The following ACCSL variants were observed in gnomAD, a reference collection of about 807,000 sequenced individuals.
ACCSL encodes the protein probable inactive 1-aminocyclopropane-1-carboxylate synthase-like protein 2.
In ACCSL, 55 loss-of-function variants were observed where a neutral mutation model predicts 61.7. The observed-to-expected ratio is 0.89, with a 90% CI of 0.72 to 1.12. The LOEUF is 1.12. ACCSL is among the 50% of genes most tolerant of loss of function. The pLI is 0.00. For synonymous variants in ACCSL, 258 were observed against 264.3 expected, an observed-to-expected ratio of 0.98 and a Z score of 0.23; for missense variants, 632 against 698.0, an observed-to-expected ratio of 0.91 and a Z score of 1.07.
At chr11:43,958,447 A>C in the ACCSL span, among the ~76,000 whole-genome samples, 1 of 152,130 alleles carries the variant, frequency 6.6e-6, no homozygotes, top group Non-Finnish European at 1.5e-5. Flanking sequence ...CCTACCCACC[A>C]AATTATCCTG....
At chr11:44,005,426 A>C in the ACCSL span, among the ~76,000 whole-genome samples, 2 of 151,842 alleles carry the variant, frequency 1.3e-5, no homozygotes, top group Non-Finnish European at 2.9e-5. Context: ...GGGTTCCACT[A>C]TGGGGAGGGG....
chr11:43,994,304 A>G, the ACCSL span, among the ~76,000 whole-genome samples: 3 of 152,208 alleles, frequency 2.0e-5, no homozygotes, highest in East Asian at 5.8e-4. Flanking sequence ...CCACTGGAAT[A>G]TCCAAGTTGC....
chr11:43,996,907 G>A, the ACCSL span, among the ~76,000 whole-genome samples: 2 of 151,222 alleles, frequency 1.3e-5, no homozygotes, highest in Admixed American at 6.6e-5. Context: ...CCACCTCCTG[G>A]GTTCAAACGA....
the ACCSL span, among the ~76,000 whole-genome samples, chr11:43,975,024 G>A: frequency 1.3e-5 from 2 of 152,216 alleles, no homozygotes; most frequent in African/African-American, 4.8e-5. Flanking sequence ...CAGGAGTGGG[G>A]TGTTATCATA....
the ACCSL span, among the ~76,000 whole-genome samples, chr11:43,936,005 G>A: frequency 6.6e-6 from 1 of 152,214 alleles, no homozygotes; most frequent in Non-Finnish European, 1.5e-5. Context: ...GAGGAAGCAG[G>A]ACCCCCGATG....
chr11:43,943,115 G>A, the ACCSL span: 2 of 1,498,518 alleles, frequency 1.3e-6, no homozygotes, highest in South Asian at 2.6e-5. The surrounding 1 kb of genome is among the most constrained non-coding windows in gnomAD (Gnocchi z 4.8). Flanking sequence ...GGAGGAGGGG[G>A]TGTCCCCCAT....
the ACCSL span, among the ~76,000 whole-genome samples, chr11:44,026,722 T>C: frequency 2.6e-5 from 4 of 152,144 alleles, no homozygotes; most frequent in Non-Finnish European, 4.4e-5. Context: ...ATTTAGTGAC[T>C]TATCTAGACT....
chr11:44,036,121 T>C, the ACCSL span, among the ~76,000 whole-genome samples: 2 of 152,294 alleles, frequency 1.3e-5, no homozygotes, highest in South Asian at 4.1e-4. Flanking sequence ...AGCAACCAAC[T>C]GGGTAACTGG....
intron 1 of ACCSL, 153 bp from the exon 2 acceptor site, chr11:44,049,909 G>C (rs146394955): frequency 2.1e-6 from 2 of 970,900 alleles, no homozygotes; most frequent in South Asian, 2.9e-5. Context: ...ACTATTTTGG[G>C]TTCATGGAAA....
rs370465303 is a variant in ACCSL, at chr11:44,058,700, G to A, written c.1624+1G>A. 7.5e-6 allele frequency: 12 copies of A among 1,609,506 alleles called. No homozygotes were observed. The African/African-American group carries it at 8.0e-5, about 11-fold the overall frequency. On this transcript the variant is annotated splice_donor_variant, in intron 13 of 13. Transcript: ENST00000378832. LOFTEE classifies it high-confidence loss of function. ...GATGAGCTCCCCCGGCTAAAATTGG[G>A]TGAGTGGAGCTGACCTCCCAATCCT... is the stretch of plus-strand genomic sequence containing the variant.
the ACCSL span, among the ~76,000 whole-genome samples, chr11:43,947,851 A>G: frequency 6.6e-6 from 1 of 152,118 alleles, no homozygotes; most frequent in Non-Finnish European, 1.5e-5. Context: ...GAGGAGAGAG[A>G]AGACAGGAGC....
the ACCSL span, among the ~76,000 whole-genome samples, chr11:44,011,068 T>C: frequency 3.3e-5 from 5 of 152,208 alleles, no homozygotes; most frequent in African/African-American, 1.2e-4. Flanking sequence ...GATTTCACCA[T>C]GAGCCAGAAA....
At chr11:44,050,202 C>T in intron 2 of ACCSL, 81 bp downstream of exon 2, 5 of 1,183,858 alleles carry the variant, frequency 4.2e-6, no homozygotes, top group South Asian at 3.7e-5. Context: ...ATGGTAGATA[C>T]AGGGGTGAGA....
the ACCSL span, among the ~76,000 whole-genome samples, chr11:43,972,389 G>T: frequency 1.3e-5 from 2 of 152,142 alleles, no homozygotes; most frequent in African/African-American, 4.8e-5. Flanking sequence ...ACCCATGAAA[G>T]GGGACTCAGA....
the ACCSL span, among the ~76,000 whole-genome samples, chr11:44,022,595 GTGCACTTTATTTCCTTTTCT>G: frequency 6.6e-6 from 1 of 152,100 alleles, no homozygotes; most frequent in Non-Finnish European, 1.5e-5. Flanking sequence ...ACTCATTTGA[GTGCACTTTATTTCCTTTTCT>G]TGTCTGATTG....
the ACCSL span, among the ~76,000 whole-genome samples, chr11:44,033,531 AC>A: frequency 6.6e-6 from 1 of 151,724 alleles, no homozygotes; most frequent in Non-Finnish European, 1.5e-5. Flanking sequence ...CAGCCTCCTC[AC>A]CCCCAGCATG....
At chr11:44,051,838 G>T in intron 5 of ACCSL, 119 bp downstream of exon 5, 1 of 1,210,104 alleles carries the variant, frequency 8.3e-7, no homozygotes, top group Non-Finnish European at 1.2e-6. Context: ...TCCCCAAAGT[G>T]GTGGGCCTTC....
At chr11:43,952,899 G>T in the ACCSL span, among the ~76,000 whole-genome samples, 1 of 152,100 alleles carries the variant, frequency 6.6e-6, no homozygotes, top group Non-Finnish European at 1.5e-5. Context: ...TCCCAGAACC[G>T]GGTTGGCCAT....
chr11:43,994,019 G>A, the ACCSL span, among the ~76,000 whole-genome samples: 42,772 of 152,076 alleles, frequency 0.28, 6,590 homozygotes, highest in South Asian at 0.36. Context: ...GGTTTGCAGC[G>A]GGCAGATGAA....
Sources: allele counts gnomAD v4.1 joint callset (sites outside exome capture counted in the v4.1 genomes callset), GRCh38; gene constraint gnomAD v4.1.1; non-coding constraint Gnocchi (gnomAD v3.1); transcripts MANE v1.5; gene names NCBI Gene and HGNC (gene_info 2026-07-23, HGNC 2026-07-21).